The following TPR variants were observed in gnomAD, a reference collection of about 807,000 sequenced individuals.
The protein encoded by TPR is translocated promoter region, nuclear basket protein.
In TPR, 51 loss-of-function variants were observed where a neutral mutation model predicts 316.1. That is an observed-to-expected ratio of 0.16 (90% CI 0.13 to 0.20). TPR has a LOEUF of 0.20. TPR is among the 10% of genes least tolerant of loss of function. The pLI, the probability that TPR is intolerant of heterozygous loss-of-function variation, is 1.00. For synonymous variants in TPR, 981 were observed against 914.7 expected, an observed-to-expected ratio of 1.07 and a Z score of -1.31; for missense variants, 2,272 against 2,754.8, an observed-to-expected ratio of 0.82 and a Z score of 3.92.
At position 186,343,545 on chromosome 1, in the gene TPR, G is replaced by A. The variant is rs1571618905; in HGVS notation, c.3603-72C>T. 16 of 1,410,930 alleles carry A rather than the reference G, an allele frequency of 1.1e-5. No homozygotes were observed. The East Asian group carries it at 2.4e-4, about 21-fold the overall frequency. The allele number at this position is 1,410,930 out of a possible 1,614,324, so 87.4% of individuals were successfully genotyped here. A position where few individuals can be genotyped will look rare whatever the true frequency, so the allele number is the denominator to read the frequency against. On this transcript the variant is annotated intron_variant, in intron 26 of 50. Coordinates refer to ENST00000367478, the MANE Select transcript of TPR (RefSeq NM_003292.3). ...AACATTACAAAACGTAGGTAATTTG[G>A]TAAGATGACAAAAATCATTGACTTT... is the stretch of plus-strand genomic sequence containing the variant.
At position 186,313,615 on chromosome 1, in the gene TPR, T is replaced by G. The variant is rs1290736482; in HGVS notation, c.*356A>C. ...TTGTCTTTGAGCATAATAGTCAACA[T>G]AAGTTATTTTTTAGTTTGGGCATTG... On this transcript the variant is annotated 3_prime_UTR_variant, in exon 51 of 51. Transcript: ENST00000367478. The G allele has an allele frequency of 1.1e-6, 1 of 922,188 alleles. No homozygotes were observed. The highest frequency in any genetic ancestry group is 1.8e-6 in the Non-Finnish European group (1 of 550,890). The allele number at this position is 922,188 out of a possible 1,614,324, so 57.1% of individuals were successfully genotyped here. A position where few individuals can be genotyped will look rare whatever the true frequency, so the allele number is the denominator to read the frequency against.
Position 186,313,822 on chromosome 1 carries a change from T to C in TPR, c.*149A>G. 1 of 1,522,586 alleles carries C rather than the reference T, an allele frequency of 6.6e-7. No homozygotes were observed. The highest frequency in any genetic ancestry group is 9.1e-7 in the Non-Finnish European group (1 of 1,097,180). 94.3% of individuals were successfully genotyped at this position (1,522,586 alleles called of 1,614,324 possible). ...AGTCAACTAATGAAGAAATGAATAA[T>C]AAATTTTGACACTGAAAAACATTTT... On this transcript the variant is annotated 3_prime_UTR_variant, in exon 51 of 51. Coordinates refer to ENST00000367478, the MANE Select transcript of TPR (RefSeq NM_003292.3).
chr1:186,334,124 C>A (rs1658267645), intron 36 of TPR, among the ~76,000 whole-genome samples: 1 of 152,110 alleles, frequency 6.6e-6, no homozygotes. Context: ...TATGATTTTC[C>A]AAAGTGGATT....
In TPR at chr1:186,350,938, T is replaced by TA. The variant is rs201080260; in HGVS notation, c.2610+391dup. 9.6e-3 allele frequency among the ~76,000 whole-genome samples: 1,466 copies of TA among 152,154 alleles called. 28 individuals carry two copies. Among genetic ancestry groups the TA allele is most frequent in the African/African-American group, 0.034 (1,399 of 41,496 alleles). ...AATAATGCCTGTTCTGCAGCCAGAC[T>TA]AAAAAAACCCCACAATTGCAATGGA... On this transcript the variant is annotated intron_variant, in intron 20 of 50. Coordinates refer to ENST00000367478, the MANE Select transcript of TPR (RefSeq NM_003292.3).
intron 21 of TPR, 80 bp downstream of exon 21, chr1:186,350,143 C>A: frequency 7.9e-7 from 1 of 1,261,388 alleles, no homozygotes; most frequent in South Asian, 1.8e-5. Context: ...AAGAATTAGG[C>A]TATTTACTGA....
intron 24 of TPR, among the ~76,000 whole-genome samples, chr1:186,345,203 A>G (rs948465936): frequency 1.3e-5 from 2 of 152,206 alleles, no homozygotes; most frequent in African/African-American, 4.8e-5. Flanking sequence ...TTGGTAATGC[A>G]TTAACAATGT....
intron 8 of TPR, 28 bp from the exon 9 acceptor site, chr1:186,361,737 AAC>A (rs1558033389): frequency 1.3e-5 from 21 of 1,613,110 alleles, no homozygotes; most frequent in Non-Finnish European, 1.8e-5. Flanking sequence ...AAAGTTACCT[AAC>A]AGTCAACAAT....
rs1483229896 is a variant in TPR, at chr1:186,334,609, G to A, written c.4974-76C>T. 8 of 1,438,470 alleles carry A rather than the reference G, an allele frequency of 5.6e-6. No individual in the cohort carries two copies. In the African/African-American group the frequency reaches 5.7e-5, roughly 10 times the overall value. The allele number at this position is 1,438,470 out of a possible 1,614,324, so 89.1% of individuals were successfully genotyped here. On this transcript the variant is annotated intron_variant, in intron 35 of 50. Transcript: ENST00000367478. ...TACTTTTAAAAACACAGTGAGTATA[G>A]GTCTCCATTTTTTTGTTCACTAAAT...
Position 186,357,275 on chromosome 1 carries a change from TG to T in TPR, c.1724+121del, listed in dbSNP as rs969682388. ...GTCGTCCAGGCTGGTCTCGACCTCCTGGGCTCAAATGATACCCCATTTAGGC... is the reference window on the plus strand; with the variant it reads ...GTCGTCCAGGCTGGTCTCGACCTCCTGGCTCAAATGATACCCCATTTAGGC... On this transcript the variant is annotated intron_variant, in intron 14 of 50. Coordinates refer to ENST00000367478, the MANE Select transcript of TPR (RefSeq NM_003292.3). The T allele has an allele frequency of 2.8e-5, 26 of 919,022 alleles. No homozygotes were observed. In the African/African-American group the frequency reaches 3.3e-4, roughly 12 times the overall value. 56.9% of individuals were successfully genotyped at this position (919,022 alleles called of 1,614,324 possible).
chr1:186,340,901 A>T (rs539740540), intron 29 of TPR, 127 bp downstream of exon 29: 1 of 1,214,196 alleles, frequency 8.2e-7, no homozygotes, highest in South Asian at 1.6e-5. Context: ...TATTAATAAC[A>T]TAATAGACTT....
chr1:186,317,611 G>T lies in TPR; in HGVS notation c.6822-11C>A. 1 of 1,606,064 alleles carries T rather than the reference G, an allele frequency of 6.2e-7. No homozygotes were observed. The highest frequency in any genetic ancestry group is 1.3e-5 in the African/African-American group (1 of 74,744). On this transcript the variant is annotated splice_polypyrimidine_tract_variant and intron_variant, in intron 48 of 50. Coordinates refer to ENST00000367478, the MANE Select transcript of TPR (RefSeq NM_003292.3). ...GCTTCTGAACTAATACTAAGGAAAA[G>T]AAAAATGAGAAAATACAAAACTGAT...
At chr1:186,374,034 G>A (rs1659614045) in intron 1 of TPR, among the ~76,000 whole-genome samples, 1 of 152,104 alleles carries the variant, frequency 6.6e-6, no homozygotes, top group Non-Finnish European at 1.5e-5. Flanking sequence ...CTCAGCTCTG[G>A]GATCAGAGAA....
chr1:186,320,201 A>G lies in TPR; in HGVS notation c.6568+111T>C, dbSNP rs902424421. On this transcript the variant is annotated intron_variant, in intron 46 of 50. Transcript: ENST00000367478. ...TTAAAAAAATAAATTAGCAAACAATATCAATTTTAAAAATATTCATATTTG... is the reference window on the plus strand; with the variant it reads ...TTAAAAAAATAAATTAGCAAACAATGTCAATTTTAAAAATATTCATATTTG... The G allele has an allele frequency of 6.6e-6, 6 of 914,174 alleles. No homozygotes were observed. The African/African-American group carries it at 8.5e-5, about 13-fold the overall frequency. The allele number at this position is 914,174 out of a possible 1,614,324, so 56.6% of individuals were successfully genotyped here.
chr1:186,342,515 T>C (rs1638866623), intron 27 of TPR: 1 of 152,190 alleles, frequency 6.6e-6, no homozygotes. Context: ...CTCTATTATT[T>C]CCATGGTGAG....
intron 27 of TPR, chr1:186,342,149 A>G (rs866644828): frequency 1.3e-5 from 2 of 151,870 alleles, no homozygotes; most frequent in South Asian, 4.1e-4. Context: ...ATTTTTTTGT[A>G]TTTTTAGTAG....
intron 5 of TPR, 55 bp downstream of exon 5, chr1:186,363,287 G>T (rs1659247956): frequency 1.4e-6 from 2 of 1,384,088 alleles, no homozygotes; most frequent in Admixed American, 2.0e-5. Context: ...ATTTAATTTA[G>T]GTGAGTTTTA....
intron 26 of TPR, 21 bp from the exon 27 acceptor site, chr1:186,343,494 A>G (rs1658574405): frequency 6.3e-7 from 1 of 1,591,668 alleles, no homozygotes; most frequent in African/African-American, 1.4e-5. Flanking sequence ...ACAGATATTA[A>G]AATTTTATGT....
intron 14 of TPR, 31 bp from the exon 15 acceptor site, chr1:186,356,480 C>G: frequency 6.4e-7 from 1 of 1,569,548 alleles, no homozygotes. Flanking sequence ...ATTCACAGGA[C>G]TGAACTGAGA....
chr1:186,351,925 C>A (rs373645699), intron 19 of TPR, 51 bp downstream of exon 19: 28 of 1,539,130 alleles, frequency 1.8e-5, no homozygotes, highest in Non-Finnish European at 2.3e-5. Flanking sequence ...TAAAAAAAAT[C>A]TAAATTTAAC....
Sources: gnomAD v4.1 joint callset for allele counts (sites outside exome capture counted in the v4.1 genomes callset) on GRCh38, gnomAD v4.1.1 for gene constraint, MANE v1.5 for transcripts, NCBI Gene and HGNC (gene_info 2026-07-23, HGNC 2026-07-21) for gene names.